The following CREBBP variants were observed in gnomAD, a reference collection of about 807,000 sequenced individuals.
The protein encoded by CREBBP is CREB-binding protein.
A neutral mutation model predicts 265.0 loss-of-function variants in CREBBP; 19 were observed. That is an observed-to-expected ratio of 0.07 (90% CI 0.05 to 0.11). The LOEUF (loss-of-function observed/expected upper bound fraction) is 0.11. Among genes scored for constraint, CREBBP ranks in the 10% least tolerant of loss-of-function variants. CREBBP has a pLI of 1.00. For missense variants in CREBBP, 2,525 were observed against 3,219.0 expected (o/e 0.78, Z 5.22); for synonymous variants, 1,457 against 1,223.7 (o/e 1.19, Z -3.98).
At chr16:3,765,633 G>A (rs1285995196) in intron 16 of CREBBP, among the ~76,000 whole-genome samples, 2 of 152,108 alleles carry the variant, frequency 1.3e-5, no homozygotes, top group Non-Finnish European at 2.9e-5. Flanking sequence ...GGGCTTCACA[G>A]CTTCTCAAAA....
chr16:3,854,599 C>G (rs1171196705), intron 1 of CREBBP, among the ~76,000 whole-genome samples: 1 of 152,252 alleles, frequency 6.6e-6, no homozygotes, highest in African/African-American at 2.4e-5. Flanking sequence ...GCACGTGAGG[C>G]TATCTTCTTG....
intron 6 of CREBBP, 78 bp downstream of exon 6, chr16:3,782,606 C>T: frequency 6.5e-7 from 1 of 1,547,306 alleles, no homozygotes; most frequent in Non-Finnish European, 8.7e-7. Flanking sequence ...AAACTGAAAA[C>T]TGCCTTGGGT....
At chr16:3,756,886 C>A (rs1019882326) in intron 19 of CREBBP, among the ~76,000 whole-genome samples, 1 of 152,168 alleles carries the variant, frequency 6.6e-6, no homozygotes, top group Non-Finnish European at 1.5e-5. Context: ...ACGGGCAGGG[C>A]TGAAGAAATA....
chr16:3,779,679 C>T lies in CREBBP; in HGVS notation c.1824-862G>A, dbSNP rs571437633. On this transcript the variant is annotated intron_variant, in intron 8 of 30. Transcript: ENST00000262367. Reference sequence around the variant, plus strand: ...ATATTTTGCTATTAACAAGTATGTGCTGGGTCATTTCCAGAATAACACGAT... The same window carrying T: ...ATATTTTGCTATTAACAAGTATGTGTTGGGTCATTTCCAGAATAACACGAT... Among the ~76,000 whole-genome samples, 9 of 152,308 alleles carry T rather than the reference C, an allele frequency of 5.9e-5. No homozygotes were observed. The South Asian group carries it at 1.9e-3, about 32-fold the overall frequency.
At chr16:3,843,422 G>A (rs991761520) in intron 2 of CREBBP, among the ~76,000 whole-genome samples, 10 of 74,378 alleles carry the variant, frequency 1.3e-4, no homozygotes, top group African/African-American at 4.9e-4. Context: ...AGTTGTCAAA[G>A]ATTTTTTTTT....
intron 16 of CREBBP, among the ~76,000 whole-genome samples, chr16:3,760,078 GTTCT>G (rs768978076): frequency 2.6e-5 from 4 of 152,132 alleles, no homozygotes; most frequent in South Asian, 2.1e-4. Flanking sequence ...TTTTCTTGGT[GTTCT>G]TTAATTTTTA....
At chr16:3,733,079 C>G (rs964720593) in intron 28 of CREBBP, among the ~76,000 whole-genome samples, 3 of 152,024 alleles carry the variant, frequency 2.0e-5, no homozygotes, top group African/African-American at 7.2e-5. Flanking sequence ...ATTCAACAAT[C>G]CAGCCGGGCG....
At chr16:3,768,136 GTTTTTTTT>G (rs71133655) in intron 15 of CREBBP, among the ~76,000 whole-genome samples, 51 of 51,596 alleles carry the variant, frequency 9.9e-4, no homozygotes, top group African/African-American at 2.3e-3. Flanking sequence ...ATTTAAAAGT[GTTTTTTTT>G]TTTTTTTTTT....
At position 3,728,835 on chromosome 16, in the gene CREBBP, A is replaced by T. The variant is rs2151305469; in HGVS notation, c.6212T>A (p.Leu2071Gln). 6.2e-7 allele frequency: 1 copy of T among 1,613,456 alleles called. No individual in the cohort carries two copies. The highest frequency in any genetic ancestry group is 1.1e-5 in the South Asian group (1 of 91,084). ...GGAGCTGGGCGACTTCAGGGTCCGC[A>T]GCAGGTCTTGCAGAGCGCTGGGTGA... ...SISPSALQDL[L>Q]RTLKSPSSPQ... The change falls in exon 31 of 31, where the codon CTG becomes CAG. Residue 2071 changes from leucine to glutamine, a missense_variant. Leu to Gln is a moderately radical substitution (Grantham distance 113). This residue lies in a region of CREBBP where 275 missense variants were observed against 276.5 expected (regional missense o/e 0.99). Coordinates refer to ENST00000262367, the MANE Select transcript of CREBBP (RefSeq NM_004380.3). This position sits in a 1 kb window ranked among gnomAD's most constrained non-coding sequence, Gnocchi z 8.7.
At position 3,738,692 on chromosome 16, in the gene CREBBP, G is replaced by A; in HGVS notation, c.4281-20C>T. On this transcript the variant is annotated intron_variant, in intron 25 of 30. Coordinates refer to ENST00000262367, the MANE Select transcript of CREBBP (RefSeq NM_004380.3). ...ACACGCCTGTGGGAAGGAGGCACAT[G>A]TTTAACTCAGGGTATCCCTCAAATC... is the stretch of plus-strand genomic sequence containing the variant. 1.4e-6 allele frequency: 2 copies of A among 1,472,324 alleles called. No homozygotes were observed. Among genetic ancestry groups the A allele is most frequent in the African/African-American group, 1.4e-5 (1 of 71,942 alleles). The allele number at this position is 1,472,324 out of a possible 1,614,324, so 91.2% of individuals were successfully genotyped here. A position where few individuals can be genotyped will look rare whatever the true frequency, so the allele number is the denominator to read the frequency against.
intron 2 of CREBBP, among the ~76,000 whole-genome samples, chr16:3,824,512 A>ATG (rs2054201836): frequency 6.6e-6 from 1 of 152,268 alleles, no homozygotes; most frequent in Non-Finnish European, 1.5e-5. Flanking sequence ...TTAGTCACAG[A>ATG]AGGCAAGCAC....
intron 2 of CREBBP, among the ~76,000 whole-genome samples, chr16:3,830,730 A>G (rs977786477): frequency 6.6e-6 from 1 of 152,156 alleles, no homozygotes; most frequent in Non-Finnish European, 1.5e-5. Context: ...AACACCATCA[A>G]CCAACTTATT....
At position 3,880,191 on chromosome 16, in the gene CREBBP, G is replaced by T; in HGVS notation, c.-275C>A. ...CCCCCTCATCCCCTGCCCGCCTCCCGAGCGCGACACTCCGCGGTGGGGGCG... is the reference window on the plus strand; with the variant it reads ...CCCCCTCATCCCCTGCCCGCCTCCCTAGCGCGACACTCCGCGGTGGGGGCG... On this transcript the variant is annotated 5_prime_UTR_variant, in exon 1 of 31. Transcript: ENST00000262367. 1.4e-5 allele frequency: 2 copies of T among 138,162 alleles called. No individual in the cohort carries two copies. The highest frequency in any genetic ancestry group is 4.0e-4 in the South Asian group (2 of 5,020). The allele number at this position is 138,162 out of a possible 1,614,324, so 8.6% of individuals were successfully genotyped here.
chr16:3,841,493 T>C (rs1298590026), intron 2 of CREBBP, among the ~76,000 whole-genome samples: 2 of 152,142 alleles, frequency 1.3e-5, no homozygotes, highest in East Asian at 3.9e-4. Flanking sequence ...TCAAAAAAAT[T>C]AGCCAGGCAT....
At chr16:3,814,703 A>G (rs1054065452) in intron 2 of CREBBP, among the ~76,000 whole-genome samples, 3 of 152,198 alleles carry the variant, frequency 2.0e-5, no homozygotes, top group Non-Finnish European at 4.4e-5. Flanking sequence ...GATTCTCACA[A>G]GGTAAAAAAG....
rs138580704 is a variant in CREBBP at position 3,812,325 on chromosome 16, C to A, written c.799-1546G>T. Among the ~76,000 whole-genome samples, 31 of 151,962 alleles carry A rather than the reference C, an allele frequency of 2.0e-4. No individual in the cohort carries two copies. The East Asian group carries it at 3.9e-3, about 19-fold the overall frequency. The stretch of plus-strand genomic sequence containing the variant: ...TCCTGAGTAGCTGGGATTATGGGCT[C>A]GTGCCATCACACCCAGCTAATTTTT... On this transcript the variant is annotated intron_variant, in intron 2 of 30. Transcript: ENST00000262367.
intron 2 of CREBBP, among the ~76,000 whole-genome samples, chr16:3,827,458 C>G (rs376647297): frequency 6.6e-6 from 1 of 152,058 alleles, no homozygotes. Context: ...GTGACGCAAT[C>G]TCGGCTCACT....
intron 13 of CREBBP, 113 bp downstream of exon 13, chr16:3,773,637 GA>G: frequency 8.9e-7 from 1 of 1,121,928 alleles, no homozygotes; most frequent in Non-Finnish European, 1.3e-6. Flanking sequence ...ACAAAGACAT[GA>G]AATGTGCATT....
intron 17 of CREBBP, 43 bp from the exon 18 acceptor site, chr16:3,758,091 T>C: frequency 6.2e-7 from 1 of 1,605,846 alleles, no homozygotes; most frequent in Non-Finnish European, 8.5e-7. Context: ...AATCCCCCAA[T>C]ATCCAAATGC....
Sources: gnomAD v4.1 joint callset for allele counts (sites outside exome capture counted in the v4.1 genomes callset) on GRCh38, gnomAD v4.1.1 for gene constraint, gnomAD v4.1.1 regional missense constraint, Gnocchi (gnomAD v3.1) non-coding constraint, MANE v1.5 for transcripts, NCBI Gene and HGNC (gene_info 2026-07-23, HGNC 2026-07-21) for gene names.